Variants in SNED1 observed in about 807,000 individuals in gnomAD.
SNED1 encodes sushi, nidogen and EGF like domains 1, also known as sushi, nidogen and EGF-like domain-containing protein 1.
SNED1 carries 81 observed loss-of-function variants against 166.7 expected under a neutral mutation model. That is an observed-to-expected ratio of 0.49 (90% CI 0.41 to 0.58). The LOEUF (loss-of-function observed/expected upper bound fraction) is 0.58. SNED1 is among the 20% of genes least tolerant of loss of function. SNED1 has a pLI of 0.00. For missense variants in SNED1, 1,604 were observed against 2,000.2 expected (o/e 0.80, Z 3.78); for synonymous variants, 762 against 822.0 (o/e 0.93, Z 1.25).
chr2:241,052,308 G>A (rs1264782977), intron 14 of SNED1, 47 bp from the exon 15 acceptor site: 6 of 1,517,336 alleles, frequency 4.0e-6, no homozygotes, highest in South Asian at 2.5e-5. Context: ...ACAGTCCCGA[G>A]CCTTCAGGGA....
At chr2:241,011,439 C>G (rs2060399664) in intron 1 of SNED1, among the ~76,000 whole-genome samples, 1 of 152,060 alleles carries the variant, frequency 6.6e-6, no homozygotes, top group African/African-American at 2.4e-5. Flanking sequence ...GTCTGAGGTG[C>G]CAGCGCTGGG....
intron 26 of SNED1, chr2:241,072,935 A>C: frequency 2.7e-6 from 1 of 368,948 alleles, no homozygotes; most frequent in Non-Finnish European, 4.9e-6. Flanking sequence ...AAGGAGAGGA[A>C]TGCAGAATTT....
At chr2:241,083,736 T>C (rs553837624) in intron 29 of SNED1, among the ~76,000 whole-genome samples, 5 of 152,294 alleles carry the variant, frequency 3.3e-5, no homozygotes, top group African/African-American at 9.6e-5. Context: ...CATTCTATCC[T>C]TTCACTTTTA....
rs923363506 is a variant in SNED1 at position 241,016,258 on chromosome 2, G to C, written c.214-14026G>C. On this transcript the variant is annotated intron_variant, in intron 1 of 31. Transcript: ENST00000310397. ...CGCCCAGGCTGGAGTGCAGTGGCAC[G>C]ATCTTGGCTCACTGCAAGCTCCACC... Among the ~76,000 whole-genome samples the C allele has an allele frequency of 2.9e-5, 4 of 135,702 alleles. No homozygotes were observed. In the South Asian group the frequency reaches 7.3e-4, roughly 25 times the overall value. The allele number at this position is 135,702 out of a possible 152,430, so 89.0% of individuals were successfully genotyped here.
intron 8 of SNED1, chr2:241,040,917 C>G (rs1236996260): frequency 2.2e-6 from 1 of 455,004 alleles, no homozygotes; most frequent in Non-Finnish European, 4.5e-6. Flanking sequence ...AAAAGGCCAA[C>G]TGGAGATTGC....
intron 1 of SNED1, among the ~76,000 whole-genome samples, chr2:241,005,085 T>A (rs1023308825): frequency 1.3e-5 from 2 of 152,130 alleles, no homozygotes; most frequent in Non-Finnish European, 2.9e-5. Flanking sequence ...AAGTCTTTTA[T>A]ATTTACCCAC....
chr2:241,080,951 G>T (rs1480562244), intron 27 of SNED1, among the ~76,000 whole-genome samples: 2 of 152,244 alleles, frequency 1.3e-5, no homozygotes, highest in Non-Finnish European at 2.9e-5. Flanking sequence ...ACACAGGTCT[G>T]TGAGAGGACA....
At chr2:241,035,231 T>A (rs1475752668) in intron 4 of SNED1, among the ~76,000 whole-genome samples, 1 of 152,116 alleles carries the variant, frequency 6.6e-6, no homozygotes, top group Non-Finnish European at 1.5e-5. Flanking sequence ...CAGGTCCTCA[T>A]TTTTGCCAGC....
intron 18 of SNED1, 141 bp from the exon 19 acceptor site, chr2:241,063,871 C>A: frequency 1.4e-6 from 1 of 732,756 alleles, no homozygotes; most frequent in Non-Finnish European, 2.3e-6. Context: ...CTGGGGAGGG[C>A]TGAGGGGCGG....
chr2:241,072,468 C>G (rs926749460), intron 26 of SNED1: 6 of 349,186 alleles, frequency 1.7e-5, no homozygotes, highest in African/African-American at 1.3e-4. Context: ...CCAGAGGGGA[C>G]CTCTCTGGCC....
chr2:241,018,702 A>G lies in SNED1; in HGVS notation c.214-11582A>G, dbSNP rs1489959986. On this transcript the variant is annotated intron_variant, in intron 1 of 31. Transcript: ENST00000310397. The surrounding 1 kb of genome is among the most constrained non-coding windows in gnomAD (Gnocchi z 5.4). ...ACGCCCTGCTCCCAGGCTGGCACCC[A>G]CAGACCACCGCAGATGAACCCAGCT... Among the ~76,000 whole-genome samples, 4 of 152,210 alleles carry G rather than the reference A, an allele frequency of 2.6e-5. No homozygotes were observed. In the East Asian group the frequency reaches 7.7e-4, roughly 29 times the overall value.
Position 241,075,120 on chromosome 2 carries a change from C to G in SNED1, c.3916+1756C>G, listed in dbSNP as rs949183178. 6.6e-6 allele frequency: 1 copy of G among 152,178 alleles called. No homozygotes were observed. The highest frequency in any genetic ancestry group is 2.4e-5 in the African/African-American group (1 of 41,424). The allele number at this position is 152,178 out of a possible 1,614,324, so 9.4% of individuals were successfully genotyped here. A position where few individuals can be genotyped will look rare whatever the true frequency, so the allele number is the denominator to read the frequency against. On this transcript the variant is annotated intron_variant, in intron 27 of 31. Coordinates refer to ENST00000310397, the MANE Select transcript of SNED1 (RefSeq NM_001080437.3). The surrounding 1 kb of genome is among the most constrained non-coding windows in gnomAD (Gnocchi z 4.8). ...TCACACCTACTATTGAGCACAGAGT[C>G]CACTGAGTGAACTGACCGGCTCTTC...
chr2:241,032,549 G>A (rs2061218153), intron 2 of SNED1, among the ~76,000 whole-genome samples: 1 of 152,010 alleles, frequency 6.6e-6, no homozygotes, highest in East Asian at 1.9e-4. Context: ...ACTAGGTAAT[G>A]GGTGCAGCAC....
At chr2:241,045,050 C>G (rs1031912792) in intron 8 of SNED1, among the ~76,000 whole-genome samples, 2 of 152,106 alleles carry the variant, frequency 1.3e-5, no homozygotes, top group Non-Finnish European at 2.9e-5. Context: ...ATTGACAATA[C>G]CATTTATAAT....
intron 1 of SNED1, among the ~76,000 whole-genome samples, chr2:241,026,308 G>A (rs765240373): frequency 5.3e-5 from 8 of 152,060 alleles, no homozygotes; most frequent in African/African-American, 1.7e-4. Context: ...GAGCCACTGC[G>A]CCCAGCCTGT....
At chr2:241,026,711 G>A (rs1323980884) in intron 1 of SNED1, among the ~76,000 whole-genome samples, 1 of 151,816 alleles carries the variant, frequency 6.6e-6, no homozygotes, top group African/African-American at 2.4e-5. Context: ...TTTTAATCTA[G>A]TGCTTTTCTG....
intron 16 of SNED1, among the ~76,000 whole-genome samples, chr2:241,055,831 G>A (rs998170698): frequency 2.0e-5 from 3 of 152,220 alleles, no homozygotes; most frequent in Admixed American, 6.5e-5. Context: ...AGTCCACCTG[G>A]AGGGAGAGGC....
intron 1 of SNED1, among the ~76,000 whole-genome samples, chr2:241,020,038 C>G (rs1478760692): frequency 6.6e-6 from 1 of 152,198 alleles, no homozygotes; most frequent in African/African-American, 2.4e-5. Flanking sequence ...ACATCTGACC[C>G]AAGGCCTGTT....
intron 1 of SNED1, among the ~76,000 whole-genome samples, chr2:241,028,091 T>G (rs1006784546): frequency 6.8e-4 from 103 of 152,350 alleles, no homozygotes; most frequent in African/African-American, 2.5e-3. Flanking sequence ...CATTGGTTCT[T>G]TGGAGAAATG....
Sources: gnomAD v4.1 joint callset for allele counts (sites outside exome capture counted in the v4.1 genomes callset) on GRCh38, gnomAD v4.1.1 for gene constraint, Gnocchi (gnomAD v3.1) non-coding constraint, MANE v1.5 for transcripts, NCBI Gene and HGNC (gene_info 2026-07-23, HGNC 2026-07-21) for gene names.